The following ERI1 variants were observed in gnomAD, a reference collection of about 807,000 sequenced individuals.
The protein encoded by ERI1 is 3'-5' exoribonuclease 1.
In ERI1, 39 loss-of-function variants were observed where a neutral mutation model predicts 39.7. The ratio of observed to expected loss-of-function variants is 0.98; its 90% CI spans 0.76 to 1.28. The LOEUF is 1.28. Among genes scored for constraint, ERI1 ranks in the 50% most tolerant of loss-of-function variants. ERI1 has a pLI of 0.00. For synonymous variants in ERI1, 204 were observed against 149.6 expected, an observed-to-expected ratio of 1.36 and a Z score of -2.65; for missense variants, 581 against 416.9, an observed-to-expected ratio of 1.39 and a Z score of -3.43.
At chr8:9,059,500 AGG>A (rs889133301) in intron 3 of ERI1, among the ~76,000 whole-genome samples, 4 of 151,960 alleles carry the variant, frequency 2.6e-5, no homozygotes, top group African/African-American at 7.3e-5. Flanking sequence ...TTTTGTGGAA[AGG>A]GGTGATATTG....
chr8:9,037,072 T>G (rs1039141785), downstream of ERI1, among the ~76,000 whole-genome samples: 1 of 152,220 alleles, frequency 6.6e-6, no homozygotes, highest in Admixed American at 6.5e-5. Flanking sequence ...TCTCTTGCTG[T>G]CTCTTCCTGT....
chr8:9,030,306 A>T lies in ERI1; in HGVS notation c.*272A>T, dbSNP rs778054140. The stretch of plus-strand genomic sequence containing the variant: ...AATTTTATAATTTAAGGTGTTCAAG[A>T]TATATTCTTTTTGGTTTTAAAATGC... On this transcript the variant is annotated 3_prime_UTR_variant, in exon 7 of 7. Coordinates refer to ENST00000250263, the MANE Select transcript of ERI1 (RefSeq NM_153332.4). The T allele has an allele frequency of 1.8e-5, 7 of 384,276 alleles. No individual in the cohort carries two copies. The highest frequency in any genetic ancestry group is 3.3e-5 in the Non-Finnish European group (7 of 211,324). The allele number at this position is 384,276 out of a possible 1,614,324, so 23.8% of individuals were successfully genotyped here. A position where few individuals can be genotyped will look rare whatever the true frequency, so the allele number is the denominator to read the frequency against.
chr8:9,065,582 C>G (rs1274349773), intron 3 of ERI1, among the ~76,000 whole-genome samples: 1 of 151,570 alleles, frequency 6.6e-6, no homozygotes, highest in Non-Finnish European at 1.5e-5. Context: ...GTAGTCCCAG[C>G]TACTCGGGAG....
At position 9,028,119 on chromosome 8, in the gene ERI1, A is replaced by G. The variant is rs372113655; in HGVS notation, c.808-1673A>G. 3.9e-5 allele frequency among the ~76,000 whole-genome samples: 6 copies of G among 152,210 alleles called. No individual in the cohort carries two copies. The South Asian group carries it at 8.3e-4, about 21-fold the overall frequency. On this transcript the variant is annotated intron_variant, in intron 6 of 6. Coordinates refer to ENST00000250263, the MANE Select transcript of ERI1 (RefSeq NM_153332.4). Reference sequence around the variant, plus strand: ...TGAGTTGGGAAGTATTTCTTCTTCAATTTTTTTGTAGTAGTTTGAGGAGAC... The same window carrying G: ...TGAGTTGGGAAGTATTTCTTCTTCAGTTTTTTTGTAGTAGTTTGAGGAGAC...
intron 3 of ERI1, among the ~76,000 whole-genome samples, chr8:9,040,476 A>G (rs1178989729): frequency 6.6e-6 from 1 of 152,312 alleles, no homozygotes; most frequent in East Asian, 1.9e-4. Context: ...TTTGTTTTGT[A>G]GAACGGAAGA....
intron 3 of ERI1, among the ~76,000 whole-genome samples, chr8:9,038,869 C>T (rs1797933671): frequency 6.6e-6 from 1 of 152,120 alleles, no homozygotes; most frequent in Non-Finnish European, 1.5e-5. Context: ...TATGACATTG[C>T]TAGAATGAAA....
chr8:9,005,827 T>C (rs1367453441), intron 1 of ERI1, among the ~76,000 whole-genome samples: 1 of 152,238 alleles, frequency 6.6e-6, no homozygotes, highest in Admixed American at 6.5e-5. Flanking sequence ...TGCCACAAGA[T>C]AGTAAACCTC....
intron 3 of ERI1, among the ~76,000 whole-genome samples, chr8:9,057,456 T>C (rs1563362316): frequency 6.6e-6 from 1 of 152,212 alleles, no homozygotes; most frequent in Non-Finnish European, 1.5e-5. Context: ...AGCACGTAGC[T>C]CACAGACCCA....
intron 6 of ERI1, among the ~76,000 whole-genome samples, chr8:9,023,392 A>G (rs918850911): frequency 1.3e-5 from 2 of 152,126 alleles, no homozygotes. Context: ...AGATGGAATA[A>G]TTTTTATTAT....
intron 3 of ERI1, among the ~76,000 whole-genome samples, chr8:9,098,665 C>G (rs972341532): frequency 6.6e-6 from 1 of 151,904 alleles, no homozygotes; most frequent in Non-Finnish European, 1.5e-5. Context: ...CAGAAGTCAC[C>G]ACAAAAGACC....
At chr8:9,041,385 G>A (rs1046204339) in intron 3 of ERI1, among the ~76,000 whole-genome samples, 2 of 152,082 alleles carry the variant, frequency 1.3e-5, no homozygotes, top group Non-Finnish European at 2.9e-5. Context: ...AGGCATACAC[G>A]CTCTTCTCAT....
intron 2 of ERI1, among the ~76,000 whole-genome samples, chr8:9,011,044 T>A (rs549053223): frequency 6.6e-6 from 1 of 152,096 alleles, no homozygotes; most frequent in Non-Finnish European, 1.5e-5. Context: ...TGCTTTCATA[T>A]TCATATGAAT....
intron 3 of ERI1, among the ~76,000 whole-genome samples, chr8:9,043,248 G>T (rs1170191887): frequency 6.6e-6 from 1 of 152,220 alleles, no homozygotes; most frequent in East Asian, 1.9e-4. Flanking sequence ...CAAGCAATGA[G>T]TGTGTTTTTG....
chr8:9,035,603 G>C (rs1222052922), downstream of ERI1, among the ~76,000 whole-genome samples: 1 of 152,190 alleles, frequency 6.6e-6, no homozygotes, highest in African/African-American at 2.4e-5. Context: ...CATTGACAAT[G>C]CATCTGGTCA....
At position 9,064,464 on chromosome 8, in the gene ERI1, G is replaced by A. The variant is rs192068858; in HGVS notation, n.299+44000G>A. Reference sequence around the variant, plus strand: ...AAGGGAAGGCTGCCTTCCCTAGTCCGTGACTGGCACCGGAGTTTTGGGTCC... The same window carrying A: ...AAGGGAAGGCTGCCTTCCCTAGTCCATGACTGGCACCGGAGTTTTGGGTCC... On this transcript the variant is annotated intron_variant and non_coding_transcript_variant, in intron 3 of 3. Coordinates refer to the ERI1 transcript ENST00000518663. Among the ~76,000 whole-genome samples, 380 of 151,986 alleles carry A rather than the reference G, an allele frequency of 2.5e-3. 1 individual carries two copies. Among genetic ancestry groups the A allele is most frequent in the Middle Eastern group, 6.8e-3 (2 of 294 alleles).
chr8:9,095,726 G>C (rs1053637053), intron 3 of ERI1, among the ~76,000 whole-genome samples: 1 of 152,092 alleles, frequency 6.6e-6, no homozygotes, highest in Non-Finnish European at 1.5e-5. Flanking sequence ...TCACCATGTT[G>C]CCCACGCTGG....
At chr8:9,069,000 T>G (rs765442570) in intron 3 of ERI1, among the ~76,000 whole-genome samples, 3 of 152,074 alleles carry the variant, frequency 2.0e-5, no homozygotes, top group Admixed American at 6.6e-5. Context: ...TTATTTTTTA[T>G]AGAGATGAGG....
downstream of ERI1, among the ~76,000 whole-genome samples, chr8:9,034,782 G>A (rs1294629863): frequency 6.6e-6 from 1 of 152,156 alleles, no homozygotes; most frequent in Non-Finnish European, 1.5e-5. Context: ...TAAAGAGGAA[G>A]GCATGTCAAA....
chr8:9,068,836 A>G (rs1051796164), intron 3 of ERI1, among the ~76,000 whole-genome samples: 28 of 151,996 alleles, frequency 1.8e-4, no homozygotes, highest in African/African-American at 6.8e-4. Context: ...TTGGTTTTTG[A>G]GACAGGGTCT....
Sources: allele counts gnomAD v4.1 joint callset (sites outside exome capture counted in the v4.1 genomes callset), GRCh38; gene constraint gnomAD v4.1.1; transcripts MANE v1.5; gene names NCBI Gene and HGNC (gene_info 2026-07-23, HGNC 2026-07-21).